Variants in CDHR1 observed in about 807,000 individuals in gnomAD.
CDHR1 encodes cadherin related family member 1, also known as cadherin-related family member 1.
A neutral mutation model predicts 72.1 loss-of-function variants in CDHR1; 61 were observed. The observed-to-expected ratio is 0.85, with a 90% CI of 0.69 to 1.05. The LOEUF (loss-of-function observed/expected upper bound fraction) is 1.05, where lower values mean the gene tolerates loss of function less well. Among genes scored for constraint, CDHR1 ranks in the 50% least tolerant of loss-of-function variants. CDHR1 has a pLI of 0.00. For synonymous variants in CDHR1, 470 were observed against 448.1 expected, an observed-to-expected ratio of 1.05 and a Z score of -0.62; for missense variants, 1,186 against 1,115.7, an observed-to-expected ratio of 1.06 and a Z score of -0.90.
At chr10:84,196,381 G>C (rs1262520554) in intron 2 of CDHR1, 124 bp from the exon 3 acceptor site, 2 of 1,047,596 alleles carry the variant, frequency 1.9e-6, no homozygotes, top group Non-Finnish European at 2.9e-6. Context: ...GTTCAGGGCA[G>C]TACCTTTGGC....
At chr10:84,209,639 C>CAA (rs59316093) in intron 12 of CDHR1, among the ~76,000 whole-genome samples, 1 of 125,314 alleles carries the variant, frequency 8.0e-6, no homozygotes, top group Non-Finnish European at 1.8e-5. Flanking sequence ...AGAGAAAAGA[C>CAA]AAAAAAAAAA....
Position 84,214,719 on chromosome 10 carries a change from A to C in CDHR1, c.*98A>C. ...CTTCCTCTGCTCCTTAAGGTCACTG[A>C]CCCCTGTTTTGCACAATGGTATAAT... On this transcript the variant is annotated 3_prime_UTR_variant, in exon 17 of 17. Transcript: ENST00000623527. 1 of 1,577,492 alleles carries C rather than the reference A, an allele frequency of 6.3e-7. No individual in the cohort carries two copies. Among genetic ancestry groups the C allele is most frequent in the Non-Finnish European group, 8.6e-7 (1 of 1,169,544 alleles).
intron 10 of CDHR1, 61 bp downstream of exon 10, chr10:84,205,988 G>A (rs982260753): frequency 2.3e-6 from 3 of 1,302,712 alleles, no homozygotes; most frequent in Non-Finnish European, 3.3e-6. Flanking sequence ...CTATAAAGGT[G>A]AAGACACCCA....
At chr10:84,207,714 C>T (rs138469801) in intron 10 of CDHR1, among the ~76,000 whole-genome samples, 92 of 152,298 alleles carry the variant, frequency 6.0e-4, no homozygotes, top group African/African-American at 2.1e-3. Flanking sequence ...ACTCCAGGCT[C>T]AGCTTGGCTG....
chr10:84,203,766 T>G (rs2132809881), intron 8 of CDHR1, among the ~76,000 whole-genome samples: 1 of 152,294 alleles, frequency 6.6e-6, no homozygotes, highest in East Asian at 1.9e-4. Flanking sequence ...GACCCAGTGG[T>G]GGAGACGGGC....
chr10:84,214,940 A>C lies in CDHR1; in HGVS notation c.*319A>C. ...CTGAGAATTGACGAGAAGCCAGCTC[A>C]CCCATCCCAGACCTCACAGTCCCTC... On this transcript the variant is annotated 3_prime_UTR_variant, in exon 17 of 17. Coordinates refer to ENST00000623527, the MANE Select transcript of CDHR1 (RefSeq NM_033100.4). 1 of 1,284,382 alleles carries C rather than the reference A, an allele frequency of 7.8e-7. No individual in the cohort carries two copies. The highest frequency in any genetic ancestry group is 1.7e-5 in the South Asian group (1 of 60,270). 79.6% of individuals were successfully genotyped at this position (1,284,382 alleles called of 1,614,324 possible).
Position 84,217,667 on chromosome 10 carries a change from C to A in CDHR1, c.*3046C>A. The A allele has an allele frequency of 1.0e-6, 1 of 985,504 alleles. No individual in the cohort carries two copies. The allele number at this position is 985,504 out of a possible 1,614,324, so 61.0% of individuals were successfully genotyped here. On this transcript the variant is annotated 3_prime_UTR_variant, in exon 17 of 17. Transcript: ENST00000623527. Reference sequence around the variant, plus strand: ...TGACTGTGGCCCACATACTAGAACACCATGTCCTGAAAGAGAGGACCCCCT... The same window carrying A: ...TGACTGTGGCCCACATACTAGAACAACATGTCCTGAAAGAGAGGACCCCCT...
Position 84,214,389 on chromosome 10 carries a change from C to T in CDHR1, c.2348C>T (p.Pro783Leu). 1.9e-6 allele frequency: 3 copies of T among 1,614,066 alleles called. No individual in the cohort carries two copies. The South Asian group carries it at 3.3e-5, about 18-fold the overall frequency. Residue 783 changes from proline (P) to leucine (L), a missense_variant, in exon 17 of 17, where the codon CCA becomes CTA. Physicochemically the swap from Pro to Leu is moderately conservative, Grantham distance 98. Coordinates refer to ENST00000623527, the MANE Select transcript of CDHR1 (RefSeq NM_033100.4). ...PPNENCNNNSPESSLLPRAPA... is the reference protein window; with the variant it reads ...PPNENCNNNSLESSLLPRAPA... ...AATGAGAACTGTAACAACAACAGCC[C>T]AGAAAGCTCTCTGCTCCCGAGAGCT... is the stretch of plus-strand genomic sequence containing the variant.
chr10:84,197,603 G>C (rs1020128221), intron 3 of CDHR1, among the ~76,000 whole-genome samples, 183 bp from the exon 4 acceptor site: 2 of 152,072 alleles, frequency 1.3e-5, no homozygotes, highest in African/African-American at 2.4e-5. Context: ...CTCAAGCATG[G>C]GGGGAGGCAG....
intron 2 of CDHR1, 43 bp from the exon 3 acceptor site, chr10:84,196,462 T>C: frequency 1.2e-6 from 2 of 1,612,652 alleles, no homozygotes; most frequent in Non-Finnish European, 1.7e-6. Context: ...TTAGGAAAAG[T>C]TGGGTCTCAG....
intron 9 of CDHR1, among the ~76,000 whole-genome samples, chr10:84,205,514 TCACACACA>T (rs33921515): frequency 4.1e-5 from 6 of 145,118 alleles, no homozygotes; most frequent in South Asian, 4.6e-4. Flanking sequence ...TCTCTTTTCT[TCACACACA>T]CACACACACA....
intron 14 of CDHR1, 94 bp from the exon 15 acceptor site, chr10:84,212,085 T>G: frequency 8.9e-7 from 1 of 1,128,258 alleles, no homozygotes; most frequent in Non-Finnish European, 1.3e-6. Flanking sequence ...ACCTCACTCC[T>G]GCTTCAGGAG....
rs2132844417 is a variant in CDHR1, at chr10:84,217,566, T to A, written c.*2945T>A. 1.0e-6 allele frequency: 1 copy of A among 984,418 alleles called. No individual in the cohort carries two copies. Among genetic ancestry groups the A allele is most frequent in the South Asian group, 4.7e-5 (1 of 21,260 alleles). 61.0% of individuals were successfully genotyped at this position (984,418 alleles called of 1,614,324 possible). A position where few individuals can be genotyped will look rare whatever the true frequency, so the allele number is the denominator to read the frequency against. On this transcript the variant is annotated 3_prime_UTR_variant, in exon 17 of 17. Coordinates refer to ENST00000623527, the MANE Select transcript of CDHR1 (RefSeq NM_033100.4). ...GTGCAAAGTATGGTTGCAGAGAGGA[T>A]GAAAAGATCTAATATATGTAAAGTG...
Position 84,215,456 on chromosome 10 carries a change from A to G in CDHR1, c.*835A>G. 1.0e-6 allele frequency: 1 copy of G among 985,316 alleles called. No homozygotes were observed. 61.0% of individuals were successfully genotyped at this position (985,316 alleles called of 1,614,324 possible). Reference sequence around the variant, plus strand: ...CCAGCCATCCTTGAAGAGACAATTCAGGGCAGTTGATGAATATCAGGGCTG... The same window carrying G: ...CCAGCCATCCTTGAAGAGACAATTCGGGGCAGTTGATGAATATCAGGGCTG... On this transcript the variant is annotated 3_prime_UTR_variant, in exon 17 of 17. Transcript: ENST00000623527.
At chr10:84,208,997 C>T in intron 12 of CDHR1, 116 bp downstream of exon 12, 1 of 1,155,132 alleles carries the variant, frequency 8.7e-7, no homozygotes, top group African/African-American at 1.5e-5. Context: ...TGGCCCTACT[C>T]TTTTCTTCTC....
rs1842106486 is a variant in CDHR1 at position 84,200,606 on chromosome 10, A to G, written c.444A>G (p.Ile148Met). ...TGTGGCTGTGACCCCCTCAGGACAT[A>G]CCTGCTGGGAGCATCATCTTTAAGG... is the stretch of plus-strand genomic sequence containing the variant. ...EPYVALVPEDIPAGSIIFKVH... is the reference protein window; with the variant it reads ...EPYVALVPEDMPAGSIIFKVH... Residue 148 changes from isoleucine (I) to methionine (M), a missense_variant, in exon 6 of 17, where the codon ATA becomes ATG. By Grantham distance (10) the Ile-to-Met change is conservative. Transcript: ENST00000623527. 1 of 1,609,648 alleles carries G rather than the reference A, an allele frequency of 6.2e-7. No individual in the cohort carries two copies. Among genetic ancestry groups the G allele is most frequent in the African/African-American group, 1.3e-5 (1 of 74,914 alleles).
chr10:84,214,963 C>A lies in CDHR1; in HGVS notation c.*342C>A. The A allele has an allele frequency of 8.1e-7, 1 of 1,236,614 alleles. No homozygotes were observed. The highest frequency in any genetic ancestry group is 4.4e-5 in the East Asian group (1 of 22,616). 76.6% of individuals were successfully genotyped at this position (1,236,614 alleles called of 1,614,324 possible). Reference sequence around the variant, plus strand: ...TCACCCATCCCAGACCTCACAGTCCCTCAGGTTCTACTGGGATCTCATCAT... The same window carrying A: ...TCACCCATCCCAGACCTCACAGTCCATCAGGTTCTACTGGGATCTCATCAT... On this transcript the variant is annotated 3_prime_UTR_variant, in exon 17 of 17. Coordinates refer to ENST00000623527, the MANE Select transcript of CDHR1 (RefSeq NM_033100.4).
At position 84,200,672 on chromosome 10, in the gene CDHR1, C is replaced by T; in HGVS notation, c.510C>T (p.Val170=). The T allele has an allele frequency of 6.2e-7, 1 of 1,610,376 alleles. No homozygotes were observed. The highest frequency in any genetic ancestry group is 8.5e-7 in the Non-Finnish European group (1 of 1,178,140). ...GGGACACAGGCTCTGGAGGGAGTGT[C>T]ACCTACTTCCTGCAGGTAAGGCAGG... is the stretch of plus-strand genomic sequence containing the variant. ...VDRDTGSGGS[V]TYFLQNLHSP... is the part of the protein sequence containing the mutation. The change falls in exon 6 of 17, where the codon GTC becomes GTT. Residue 170 remains valine (V), a synonymous_variant. Transcript: ENST00000623527.
chr10:84,194,805 C>A lies in CDHR1; in HGVS notation c.45C>A (p.Arg15=). 2 of 1,532,602 alleles carry A rather than the reference C, an allele frequency of 1.3e-6. No individual in the cohort carries two copies. The highest frequency in any genetic ancestry group is 1.7e-6 in the Non-Finnish European group (2 of 1,145,884). The allele number at this position is 1,532,602 out of a possible 1,614,324, so 94.9% of individuals were successfully genotyped here. Residue 15 remains arginine, a synonymous_variant, in exon 1 of 17, where the codon CGC becomes CGA. Coordinates refer to ENST00000623527, the MANE Select transcript of CDHR1 (RefSeq NM_033100.4). ...RWAALALGLL[R]LCLAQANFAP... The stretch of plus-strand genomic sequence containing the variant: ...CCGCCCTGGCCCTGGGGCTGCTGCG[C>A]CTCTGCTTGGGTGAGTGGCCGCTGG...
Sources: gnomAD v4.1 joint callset for allele counts (sites outside exome capture counted in the v4.1 genomes callset) on GRCh38, gnomAD v4.1.1 for gene constraint, MANE v1.5 for transcripts, NCBI Gene and HGNC (gene_info 2026-07-23, HGNC 2026-07-21) for gene names.